Variants in ARHGEF38 observed in about 807,000 individuals in gnomAD.
ARHGEF38 encodes the protein Rho guanine nucleotide exchange factor (GEF) 38.
In ARHGEF38, 79 loss-of-function variants were observed where a neutral mutation model predicts 79.9. That is an observed-to-expected ratio of 0.99 (90% CI 0.82 to 1.19). The LOEUF (loss-of-function observed/expected upper bound fraction) is 1.19. Among genes scored for constraint, ARHGEF38 ranks in the 50% most tolerant of loss-of-function variants. ARHGEF38 has a pLI of 0.00. For missense variants in ARHGEF38, 962 were observed against 907.2 expected (o/e 1.06, Z -0.78); for synonymous variants, 366 against 328.3 (o/e 1.11, Z -1.24).
intron 9 of ARHGEF38, 100 bp from the exon 10 acceptor site, chr4:105,658,954 G>T (rs1380453022): frequency 7.7e-6 from 8 of 1,037,092 alleles, no homozygotes; most frequent in African/African-American, 1.6e-5. Flanking sequence ...GTTTTCTTTT[G>T]TGCTTCTCGT....
intron 1 of ARHGEF38, among the ~76,000 whole-genome samples, chr4:105,554,196 T>C (rs999515605): frequency 1.9e-4 from 29 of 152,310 alleles, no homozygotes; most frequent in Admixed American, 1.8e-3. Context: ...AGAATGGATG[T>C]CTTAAAATTT....
intron 1 of ARHGEF38, chr4:105,569,916 G>C (rs1326403323): frequency 1.3e-5 from 2 of 152,070 alleles, no homozygotes. Context: ...AATCAATTTA[G>C]TGAATCCAAA....
In ARHGEF38 at chr4:105,667,662, A is replaced by C; in HGVS notation, c.2107A>C (p.Asn703His). 6.5e-7 allele frequency: 1 copy of C among 1,536,400 alleles called. No individual in the cohort carries two copies. Among genetic ancestry groups the C allele is most frequent in the East Asian group, 2.4e-5 (1 of 40,916 alleles). ...LSGTCGKFETNGTDVDSFQEV... is the reference protein window; with the variant it reads ...LSGTCGKFETHGTDVDSFQEV... ...TGGCACATGTGGAAAGTTTGAAACA[A>C]ATGGTACTGATGTTGACAGTTTTCA... The change falls in exon 13 of 14, where the codon AAT becomes CAT. Residue 703 changes from asparagine (N) to histidine (H), a missense_variant. Transcript: ENST00000420470.
chr4:105,634,172 A>C (rs1403129457), intron 4 of ARHGEF38, among the ~76,000 whole-genome samples: 1 of 152,184 alleles, frequency 6.6e-6, no homozygotes, highest in Admixed American at 6.6e-5. Flanking sequence ...AAGCCACCTC[A>C]GGTGATTTTC....
In ARHGEF38 at chr4:105,679,120, G is replaced by A; in HGVS notation, c.*1183G>A. 3.3e-6 allele frequency: 2 copies of A among 611,082 alleles called. No individual in the cohort carries two copies. Among genetic ancestry groups the A allele is most frequent in the South Asian group, 3.2e-5 (1 of 31,204 alleles). The allele number at this position is 611,082 out of a possible 1,614,324, so 37.9% of individuals were successfully genotyped here. On this transcript the variant is annotated 3_prime_UTR_variant, in exon 14 of 14. Transcript: ENST00000420470. The stretch of plus-strand genomic sequence containing the variant: ...GTTCCACTTCGTCTTCTACCATCTT[G>A]CCGACTTTCCTGAGCAACTGCTTTG...
At chr4:105,660,458 G>T (rs1730518052) in intron 10 of ARHGEF38, among the ~76,000 whole-genome samples, 1 of 150,672 alleles carries the variant, frequency 6.6e-6, no homozygotes, top group Middle Eastern at 3.4e-3. Context: ...TGGTGGGGGG[G>T]GATGGAGTTT....
intron 2 of ARHGEF38, among the ~76,000 whole-genome samples, chr4:105,598,244 C>A (rs567617035): frequency 1.3e-5 from 2 of 152,288 alleles, no homozygotes; most frequent in African/African-American, 2.4e-5. Context: ...TCCAGCCCCA[C>A]CCACTGTAGA....
chr4:105,601,662 T>C (rs898724101), intron 2 of ARHGEF38, among the ~76,000 whole-genome samples: 2 of 152,128 alleles, frequency 1.3e-5, no homozygotes, highest in African/African-American at 4.8e-5. Flanking sequence ...GGGGTGTTAA[T>C]TCCTGGCACT....
At chr4:105,659,397 C>T (rs530942124) in intron 10 of ARHGEF38, 32 bp downstream of exon 10, 3 of 1,512,600 alleles carry the variant, frequency 2.0e-6, no homozygotes, top group African/African-American at 1.4e-5. Context: ...AGCTAGCTAC[C>T]TTGGCCTACT....
chr4:105,659,616 T>C (rs1000673703), intron 10 of ARHGEF38, among the ~76,000 whole-genome samples: 9 of 152,228 alleles, frequency 5.9e-5, no homozygotes, highest in African/African-American at 1.9e-4. Flanking sequence ...AGATGCCTTT[T>C]CAAATACCAA....
intron 1 of ARHGEF38, among the ~76,000 whole-genome samples, chr4:105,585,396 C>A (rs1183585717): frequency 1.3e-5 from 2 of 152,150 alleles, no homozygotes; most frequent in African/African-American, 4.8e-5. Flanking sequence ...TCAGATTATC[C>A]TTTTCCCAAA....
chr4:105,624,924 G>T lies in ARHGEF38; in HGVS notation c.509-5974G>T, dbSNP rs17326428. Among the ~76,000 whole-genome samples, 1,338 of 152,262 alleles carry T rather than the reference G, an allele frequency of 8.8e-3. 11 individuals carry two copies. Among genetic ancestry groups the T allele is most frequent in the Non-Finnish European group, 0.015 (991 of 68,022 alleles). On this transcript the variant is annotated intron_variant, in intron 3 of 13. Coordinates refer to ENST00000420470, the MANE Select transcript of ARHGEF38 (RefSeq NM_001242729.2). ...ATGACAGTCAGAGGCCTGTATTGTT[G>T]CACCCAGATCTCAGACCTTCTTTCC...
Position 105,680,582 on chromosome 4 carries a change from G to A in ARHGEF38, c.*2645G>A, listed in dbSNP as rs1731275305. On this transcript the variant is annotated 3_prime_UTR_variant, in exon 14 of 14. Coordinates refer to ENST00000420470, the MANE Select transcript of ARHGEF38 (RefSeq NM_001242729.2). ...GGTCTTGTAGCTCATTTTATGACAT[G>A]AAAAAAATCAAGGTCTAAAAGCTCC... 1 of 152,466 alleles carries A rather than the reference G, an allele frequency of 6.6e-6. No homozygotes were observed. The highest frequency in any genetic ancestry group is 2.1e-4 in the South Asian group (1 of 4,846). 9.4% of individuals were successfully genotyped at this position (152,466 alleles called of 1,614,324 possible). A position where few individuals can be genotyped will look rare whatever the true frequency, so the allele number is the denominator to read the frequency against.
intron 7 of ARHGEF38, among the ~76,000 whole-genome samples, chr4:105,651,101 T>G (rs1730085208): frequency 6.6e-6 from 1 of 152,244 alleles, no homozygotes; most frequent in Non-Finnish European, 1.5e-5. Context: ...CTGGGCTGGC[T>G]TTTGAATAAG....
At chr4:105,584,495 A>T (rs116097172) in intron 1 of ARHGEF38, among the ~76,000 whole-genome samples, 3,296 of 152,326 alleles carry the variant, frequency 0.022, 46 homozygotes, top group Non-Finnish European at 0.033. Flanking sequence ...CAGATGAGAA[A>T]ATTGATACAG....
Position 105,679,197 on chromosome 4 carries a change from C to G in ARHGEF38, c.*1260C>G, listed in dbSNP as rs1731224118. ...CAGATCGACAACCTGACTGGCCTGA[C>G]CAGCCACTCCTCTGTCTGGAATTAA... On this transcript the variant is annotated 3_prime_UTR_variant, in exon 14 of 14. Coordinates refer to ENST00000420470, the MANE Select transcript of ARHGEF38 (RefSeq NM_001242729.2). The G allele has an allele frequency of 4.8e-6, 3 of 623,902 alleles. No individual in the cohort carries two copies. Among genetic ancestry groups the G allele is most frequent in the Non-Finnish European group, 8.7e-6 (3 of 346,476 alleles). The allele number at this position is 623,902 out of a possible 1,614,324, so 38.6% of individuals were successfully genotyped here.
chr4:105,630,199 T>G (rs570733805), intron 3 of ARHGEF38, among the ~76,000 whole-genome samples: 3 of 152,190 alleles, frequency 2.0e-5, no homozygotes, highest in African/African-American at 7.2e-5. Flanking sequence ...AGTGCCAGTC[T>G]GTAGCACAGC....
At chr4:105,553,923 T>G (rs1290558639) in intron 1 of ARHGEF38, among the ~76,000 whole-genome samples, 1 of 152,200 alleles carries the variant, frequency 6.6e-6, no homozygotes, top group Non-Finnish European at 1.5e-5. Flanking sequence ...CATGCTTATA[T>G]TTAACAAATC....
chr4:105,634,078 T>C (rs566363501), intron 4 of ARHGEF38, among the ~76,000 whole-genome samples: 1 of 152,306 alleles, frequency 6.6e-6, no homozygotes, highest in South Asian at 2.1e-4. Context: ...GATGGTGTAT[T>C]AAAAGTACAG....
Sources: gnomAD v4.1 joint callset for allele counts (sites outside exome capture counted in the v4.1 genomes callset) on GRCh38, gnomAD v4.1.1 for gene constraint, MANE v1.5 for transcripts, NCBI Gene and HGNC (gene_info 2026-07-23, HGNC 2026-07-21) for gene names.